PLAG1: variants seen among roughly 807,000 people sequenced by gnomAD.
The protein encoded by PLAG1 is PLAG1 zinc finger.
In PLAG1, 7 loss-of-function variants were observed where a neutral mutation model predicts 35.5. The observed-to-expected ratio is 0.20, with a 90% CI of 0.11 to 0.37. The LOEUF is 0.37. PLAG1 is among the 10% of genes least tolerant of loss of function. The pLI is 1.00. For missense variants in PLAG1, 454 were observed against 602.8 expected (o/e 0.75, Z 2.58); for synonymous variants, 229 against 225.4 (o/e 1.02, Z -0.14).
At chr8:56,206,027 T>G (rs1812691069) in intron 1 of PLAG1, among the ~76,000 whole-genome samples, 1 of 151,984 alleles carries the variant, frequency 6.6e-6, no homozygotes, top group Non-Finnish European at 1.5e-5. Flanking sequence ...TTTAAAAAAA[T>G]AAGATATTTC....
rs1324574998 is a variant in PLAG1 at position 56,163,632 on chromosome 8, G to A, written c.*2611C>T. On this transcript the variant is annotated 3_prime_UTR_variant, in exon 5 of 5. Coordinates refer to ENST00000316981, the MANE Select transcript of PLAG1 (RefSeq NM_002655.3). The stretch of plus-strand genomic sequence containing the variant: ...CCTGAAGATGTGCCTCCATGTATTT[G>A]AATTTCATGCAGGGCAAGATTTAAG... 5.1e-6 allele frequency: 1 copy of A among 194,856 alleles called. No individual in the cohort carries two copies. Among genetic ancestry groups the A allele is most frequent in the African/African-American group, 2.3e-5 (1 of 42,954 alleles). The allele number at this position is 194,856 out of a possible 1,614,324, so 12.1% of individuals were successfully genotyped here. A position where few individuals can be genotyped will look rare whatever the true frequency, so the allele number is the denominator to read the frequency against.
At chr8:56,175,861 T>A (rs1811671766) in intron 2 of PLAG1, among the ~76,000 whole-genome samples, 1 of 152,108 alleles carries the variant, frequency 6.6e-6, no homozygotes, top group African/African-American at 2.4e-5. Context: ...GGATGTTCCT[T>A]TTCAGGCCAC....
At chr8:56,186,003 G>T (rs574073199) in intron 1 of PLAG1, among the ~76,000 whole-genome samples, 1 of 151,366 alleles carries the variant, frequency 6.6e-6, no homozygotes, top group Non-Finnish European at 1.5e-5. Flanking sequence ...TATTAGCCAG[G>T]CATGGGCAGG....
In PLAG1 at chr8:56,165,698, G is replaced by A. The variant is rs529154613; in HGVS notation, c.*545C>T. On this transcript the variant is annotated 3_prime_UTR_variant, in exon 5 of 5. Coordinates refer to ENST00000316981, the MANE Select transcript of PLAG1 (RefSeq NM_002655.3). ...CAACAGGGAGTCTTCAGAATATACT[G>A]ATCTGAAATTATGGTGTATCTAACA... 5.1e-6 allele frequency: 1 copy of A among 196,882 alleles called. No homozygotes were observed. Among genetic ancestry groups the A allele is most frequent in the East Asian group, 8.0e-5 (1 of 12,564 alleles). 12.2% of individuals were successfully genotyped at this position (196,882 alleles called of 1,614,324 possible).
chr8:56,189,242 T>C (rs1369370648), intron 1 of PLAG1, among the ~76,000 whole-genome samples: 1 of 152,238 alleles, frequency 6.6e-6, no homozygotes, highest in Non-Finnish European at 1.5e-5. Flanking sequence ...TAACTGGGCA[T>C]TGACACAATG....
At chr8:56,177,993 C>A (rs1387375212) in intron 2 of PLAG1, 2 of 975,412 alleles carry the variant, frequency 2.1e-6, no homozygotes, top group African/African-American at 3.5e-5. Flanking sequence ...CGGATACAAA[C>A]CTGGGTAGCA....
chr8:56,209,721 T>C (rs1208486090), intron 1 of PLAG1, among the ~76,000 whole-genome samples: 3 of 151,954 alleles, frequency 2.0e-5, no homozygotes, highest in Non-Finnish European at 4.4e-5. Flanking sequence ...CAACTCCACA[T>C]CCCTCCCCAA....
chr8:56,178,795 T>A (rs1004523676), intron 2 of PLAG1, among the ~76,000 whole-genome samples: 3 of 151,960 alleles, frequency 2.0e-5, no homozygotes, highest in African/African-American at 7.3e-5. Flanking sequence ...TGGTACCAAA[T>A]CCACGTGTGC....
At chr8:56,204,558 T>G (rs1217859285) in intron 1 of PLAG1, among the ~76,000 whole-genome samples, 1 of 151,924 alleles carries the variant, frequency 6.6e-6, no homozygotes, top group Non-Finnish European at 1.5e-5. Context: ...GATTTCTAGT[T>G]TAACAGTCTC....
intron 1 of PLAG1, among the ~76,000 whole-genome samples, chr8:56,195,479 T>C (rs1378069114): frequency 6.6e-6 from 1 of 152,188 alleles, no homozygotes; most frequent in African/African-American, 2.4e-5. Flanking sequence ...GCCCACCACC[T>C]GCACTCTTCA....
At chr8:56,192,181 C>T (rs1445786563) in intron 1 of PLAG1, among the ~76,000 whole-genome samples, 1 of 152,204 alleles carries the variant, frequency 6.6e-6, no homozygotes, top group Admixed American at 6.5e-5. Context: ...CTACCAGCGA[C>T]AGCGACTGTA....
At chr8:56,177,364 G>C (rs1211533445) in intron 2 of PLAG1, among the ~76,000 whole-genome samples, 2 of 152,160 alleles carry the variant, frequency 1.3e-5, no homozygotes, top group Admixed American at 6.5e-5. Context: ...AACAGGATCA[G>C]TTCTAGGCAA....
chr8:56,189,524 C>T (rs557752667), intron 1 of PLAG1, among the ~76,000 whole-genome samples: 34 of 152,128 alleles, frequency 2.2e-4, no homozygotes, highest in Non-Finnish European at 4.7e-4. Context: ...TCATGGTGAA[C>T]ACAAAGATTA....
In PLAG1 at chr8:56,162,960, A is replaced by T. The variant is rs1191256245; in HGVS notation, c.*3283T>A. 34 of 213,686 alleles carry T rather than the reference A, an allele frequency of 1.6e-4. No individual in the cohort carries two copies. In the East Asian group the frequency reaches 2.2e-3, roughly 14 times the overall value. The allele number at this position is 213,686 out of a possible 1,614,324, so 13.2% of individuals were successfully genotyped here. A position where few individuals can be genotyped will look rare whatever the true frequency, so the allele number is the denominator to read the frequency against. On this transcript the variant is annotated 3_prime_UTR_variant, in exon 5 of 5. Coordinates refer to ENST00000316981, the MANE Select transcript of PLAG1 (RefSeq NM_002655.3). Reference sequence around the variant, plus strand: ...ACAGAGTGATGCATAATCAGCCAGGACAATTGAAGTTTTAAAAAACTGAAC... The same window carrying T: ...ACAGAGTGATGCATAATCAGCCAGGTCAATTGAAGTTTTAAAAAACTGAAC...
intron 2 of PLAG1, 127 bp from the exon 3 acceptor site, chr8:56,171,316 A>T (rs1811516366): frequency 6.4e-6 from 1 of 155,434 alleles, no homozygotes; most frequent in South Asian, 2.0e-4. Context: ...CTTACGAGTC[A>T]TGCATTAATT....
intron 1 of PLAG1, among the ~76,000 whole-genome samples, chr8:56,189,384 A>C (rs1287032626): frequency 6.6e-6 from 1 of 152,176 alleles, no homozygotes; most frequent in East Asian, 1.9e-4. Context: ...TCTTGTGGTC[A>C]TGTCCAGAAA....
intron 1 of PLAG1, among the ~76,000 whole-genome samples, chr8:56,193,578 C>A (rs574378210): frequency 2.0e-5 from 3 of 152,096 alleles, no homozygotes; most frequent in African/African-American, 7.2e-5. Context: ...AGGCCACAGA[C>A]CAATCAACTG....
intron 1 of PLAG1, among the ~76,000 whole-genome samples, chr8:56,187,117 C>G (rs1446793681): frequency 6.6e-6 from 1 of 152,186 alleles, no homozygotes; most frequent in African/African-American, 2.4e-5. Context: ...TCCCAGCCTC[C>G]TCCTTCTTGA....
intron 1 of PLAG1, among the ~76,000 whole-genome samples, chr8:56,187,974 C>G (rs777994101): frequency 6.6e-6 from 1 of 152,040 alleles, no homozygotes; most frequent in Non-Finnish European, 1.5e-5. Flanking sequence ...TATTGACTAT[C>G]CAGCAATGGA....
Sources: gnomAD v4.1 joint callset for allele counts (sites outside exome capture counted in the v4.1 genomes callset) on GRCh38, gnomAD v4.1.1 for gene constraint, MANE v1.5 for transcripts, NCBI Gene and HGNC (gene_info 2026-07-23, HGNC 2026-07-21) for gene names.